The following PITPNB variants were observed in gnomAD, a reference collection of about 807,000 sequenced individuals.
PITPNB encodes phosphatidylinositol transfer protein beta.
A neutral mutation model predicts 45.9 loss-of-function variants in PITPNB; 16 were observed. That is an observed-to-expected ratio of 0.35 (90% CI 0.24 to 0.53). The LOEUF (loss-of-function observed/expected upper bound fraction) is 0.53, where lower values mean the gene tolerates loss of function less well. Among genes scored for constraint, PITPNB ranks in the 20% least tolerant of loss-of-function variants. PITPNB has a pLI of 0.93. For synonymous variants in PITPNB, 112 were observed against 108.9 expected (o/e 1.03, Z -0.18); for missense variants, 188 against 330.5 (o/e 0.57, Z 3.34).
chr22:27,868,884 T>C (rs1185798337), intron 8 of PITPNB, among the ~76,000 whole-genome samples: 1 of 152,130 alleles, frequency 6.6e-6, no homozygotes, highest in Non-Finnish European at 1.5e-5. Flanking sequence ...TTATTAACTA[T>C]CATGTATTTG....
intron 1 of PITPNB, among the ~76,000 whole-genome samples, chr22:27,918,125 C>A (rs7292046): frequency 0.2 from 29,666 of 151,958 alleles, 3,306 homozygotes; most frequent in Admixed American, 0.33. Context: ...AAGTGTAAAG[C>A]CTTGTAGCTG....
intron 2 of PITPNB, among the ~76,000 whole-genome samples, 162 bp from the exon 3 acceptor site, chr22:27,911,271 G>A (rs377101710): frequency 4.5e-4 from 69 of 152,192 alleles, no homozygotes; most frequent in African/African-American, 6.0e-4. Flanking sequence ...AAATTAATAC[G>A]TTTAGGAAGA....
intron 8 of PITPNB, among the ~76,000 whole-genome samples, chr22:27,867,562 T>G (rs1934520976): frequency 6.6e-6 from 1 of 152,216 alleles, no homozygotes; most frequent in Non-Finnish European, 1.5e-5. Context: ...ACTTAATTTT[T>G]TGTATGGCTC....
chr22:27,852,367 C>G lies in PITPNB; in HGVS notation c.*1335G>C, dbSNP rs1934043777. The G allele has an allele frequency of 1.3e-5, 2 of 152,112 alleles. No homozygotes were observed. The highest frequency in any genetic ancestry group is 2.9e-5 in the Non-Finnish European group (2 of 68,020). 9.4% of individuals were successfully genotyped at this position (152,112 alleles called of 1,614,324 possible). On this transcript the variant is annotated 3_prime_UTR_variant, in exon 12 of 12. Transcript: ENST00000335272. ...AAAAACTGGATTCAGACAGAGAAAG[C>G]TGATAAAAATCTTACCTAGCTATTG...
intron 8 of PITPNB, among the ~76,000 whole-genome samples, chr22:27,865,251 C>T (rs1934451302): frequency 1.3e-5 from 2 of 152,282 alleles, no homozygotes; most frequent in Non-Finnish European, 1.5e-5. Flanking sequence ...CAAAGACCAA[C>T]TTTACCCTAA....
At chr22:27,898,187 A>G (rs1375200555) in intron 3 of PITPNB, 4 of 310,832 alleles carry the variant, frequency 1.3e-5, no homozygotes, top group African/African-American at 6.5e-5. Flanking sequence ...ACTAGCCTGG[A>G]CAACATGGTG....
chr22:27,880,014 A>G (rs1198192915), intron 7 of PITPNB, among the ~76,000 whole-genome samples: 1 of 152,190 alleles, frequency 6.6e-6, no homozygotes, highest in Non-Finnish European at 1.5e-5. Context: ...AATAAGCAAC[A>G]TCATTCCTGC....
At chr22:27,875,667 T>C (rs1272500923) in intron 7 of PITPNB, among the ~76,000 whole-genome samples, 1 of 152,220 alleles carries the variant, frequency 6.6e-6, no homozygotes, top group Non-Finnish European at 1.5e-5. Context: ...GTATTTAACA[T>C]TGTATCAAAT....
intron 8 of PITPNB, among the ~76,000 whole-genome samples, chr22:27,873,216 C>G (rs1055338090): frequency 6.6e-6 from 1 of 152,166 alleles, no homozygotes; most frequent in African/African-American, 2.4e-5. Flanking sequence ...GCAGTGAGCC[C>G]AGATTGCACC....
rs1311000439 is a variant in PITPNB, at chr22:27,873,718, G to C, written c.534+20C>G. The stretch of plus-strand genomic sequence containing the variant: ...TCTGTTGCCAAGACTCTGCCTGTCA[G>C]AAAGGTCAGCATCCAGTACCTTCCA... On this transcript the variant is annotated intron_variant, in intron 8 of 11. Coordinates refer to ENST00000335272, the MANE Select transcript of PITPNB (RefSeq NM_012399.5). The C allele has an allele frequency of 6.6e-7, 1 of 1,506,448 alleles. No homozygotes were observed. The highest frequency in any genetic ancestry group is 9.2e-7 in the Non-Finnish European group (1 of 1,082,064). The allele number at this position is 1,506,448 out of a possible 1,614,324, so 93.3% of individuals were successfully genotyped here.
chr22:27,855,273 T>A (rs1934138361), intron 10 of PITPNB, among the ~76,000 whole-genome samples: 1 of 152,238 alleles, frequency 6.6e-6, no homozygotes. Context: ...CATATTTGCA[T>A]AGTCCCTAGG....
intron 7 of PITPNB, among the ~76,000 whole-genome samples, chr22:27,882,861 TC>T (rs1373053014): frequency 1.3e-5 from 2 of 152,240 alleles, no homozygotes; most frequent in Non-Finnish European, 2.9e-5. Flanking sequence ...AAACTCACTC[TC>T]TTTAGACAGA....
Position 27,853,387 on chromosome 22 carries a change from G to T in PITPNB, c.*315C>A. On this transcript the variant is annotated 3_prime_UTR_variant, in exon 12 of 12. Transcript: ENST00000335272. ...TGCATTCTTGCTGAAGATAGGTACA[G>T]TACTTTGGAGAAATTGTACTAATCC... 1 of 481,496 alleles carries T rather than the reference G, an allele frequency of 2.1e-6. No homozygotes were observed. The highest frequency in any genetic ancestry group is 3.7e-6 in the Non-Finnish European group (1 of 272,788). The allele number at this position is 481,496 out of a possible 1,614,324, so 29.8% of individuals were successfully genotyped here. A position where few individuals can be genotyped will look rare whatever the true frequency, so the allele number is the denominator to read the frequency against.
intron 7 of PITPNB, among the ~76,000 whole-genome samples, chr22:27,883,735 C>A (rs1011253283): frequency 2.0e-5 from 3 of 152,172 alleles, no homozygotes; most frequent in Admixed American, 2.0e-4. Flanking sequence ...TAAAAAGAAC[C>A]ACCTCTTAAC....
chr22:27,869,445 C>T (rs1934583608), intron 8 of PITPNB, among the ~76,000 whole-genome samples: 1 of 152,186 alleles, frequency 6.6e-6, no homozygotes, highest in Admixed American at 6.5e-5. Context: ...GCAACCTCAT[C>T]ATCCCCTGCT....
chr22:27,861,676 G>T (rs544590351), intron 8 of PITPNB, among the ~76,000 whole-genome samples: 52 of 152,308 alleles, frequency 3.4e-4, no homozygotes, highest in African/African-American at 1.2e-3. Flanking sequence ...GAGGCAGACT[G>T]CAAGTATGGT....
chr22:27,854,374 C>G (rs1403681576), intron 11 of PITPNB, among the ~76,000 whole-genome samples: 6 of 152,100 alleles, frequency 3.9e-5, no homozygotes, highest in African/African-American at 1.4e-4. Context: ...ACTGTAACAA[C>G]TGAAGACGAA....
chr22:27,894,302 T>C (rs1436494412), intron 7 of PITPNB: 3 of 317,228 alleles, frequency 9.5e-6, no homozygotes, highest in Non-Finnish European at 1.7e-5. Flanking sequence ...TTCCCAGGTA[T>C]ACTGGGATTT....
intron 3 of PITPNB, among the ~76,000 whole-genome samples, chr22:27,903,330 G>A (rs1188988374): frequency 2.0e-5 from 3 of 151,922 alleles, no homozygotes; most frequent in East Asian, 3.9e-4. Flanking sequence ...TTAGCCAGGC[G>A]TGGTGGTGCA....
Sources: gnomAD v4.1 joint callset for allele counts (sites outside exome capture counted in the v4.1 genomes callset) on GRCh38, gnomAD v4.1.1 for gene constraint, MANE v1.5 for transcripts, NCBI Gene and HGNC (gene_info 2026-07-23, HGNC 2026-07-21) for gene names.